EML6: variants seen among roughly 807,000 people sequenced by gnomAD.
EML6 encodes echinoderm microtubule-associated protein-like 6.
In EML6, 154 loss-of-function variants were observed where a neutral mutation model predicts 240.1. That is an observed-to-expected ratio of 0.64 (90% CI 0.56 to 0.73). The LOEUF is 0.73. Ranked by LOEUF, EML6 falls within the 30% of genes least tolerant of loss-of-function variation. EML6 has a pLI of 0.00. For missense variants in EML6, 2,964 were observed against 2,474.6 expected (o/e 1.20, Z -4.20); for synonymous variants, 1,148 against 899.0 (o/e 1.28, Z -4.95).
Position 54,962,594 on chromosome 2 carries a change from C to T in EML6, c.5040C>T (p.Ile1680=), listed in dbSNP as rs1215203025. 1 of 1,549,612 alleles carries T rather than the reference C, an allele frequency of 6.5e-7. No individual in the cohort carries two copies. The highest frequency in any genetic ancestry group is 1.4e-5 in the African/African-American group (1 of 72,990). ...EVGEKNAASN[I]LIDGHMEGEI... ...GTGAAAAAAATGCTGCTTCTAACAT[C>T]CTGATTGATGGTCACATGGAAGGGG... is the stretch of plus-strand genomic sequence containing the variant. Residue 1680 remains isoleucine, a synonymous_variant, in exon 36 of 42, where the codon ATC becomes ATT. Coordinates refer to ENST00000356458, the MANE Select transcript of EML6 (RefSeq NM_001039753.4).
rs1340357277 is a variant in EML6, at chr2:54,964,555, G to A, written c.5331-16G>A. 9.0e-6 allele frequency: 14 copies of A among 1,551,852 alleles called. No homozygotes were observed. The highest frequency in any genetic ancestry group is 1.7e-4 in the Middle Eastern group (1 of 6,018). ...AGCCCTCCTCATGGACTCTGCTCTCGGATTGCTTTTTCTAGAATCAGCCCA... is the reference window on the plus strand; with the variant it reads ...AGCCCTCCTCATGGACTCTGCTCTCAGATTGCTTTTTCTAGAATCAGCCCA... On this transcript the variant is annotated splice_polypyrimidine_tract_variant and intron_variant, in intron 37 of 41. Coordinates refer to ENST00000356458, the MANE Select transcript of EML6 (RefSeq NM_001039753.4).
intron 2 of EML6, among the ~76,000 whole-genome samples, chr2:54,783,495 T>G (rs567777659): frequency 6.6e-6 from 1 of 152,322 alleles, no homozygotes; most frequent in Admixed American, 6.5e-5. Context: ...CTGTAGTTGA[T>G]TTTAGATTTA....
intron 2 of EML6, among the ~76,000 whole-genome samples, chr2:54,788,760 G>A (rs1345602761): frequency 6.6e-6 from 1 of 152,140 alleles, no homozygotes; most frequent in East Asian, 1.9e-4. Context: ...GAAAAATAGG[G>A]CCAAACTCTT....
At chr2:54,861,131 C>G (rs1670648703) in intron 12 of EML6, among the ~76,000 whole-genome samples, 1 of 152,160 alleles carries the variant, frequency 6.6e-6, no homozygotes, top group African/African-American at 2.4e-5. Flanking sequence ...AAGGAGCTAA[C>G]AGGGCAAACA....
chr2:54,869,051 G>T, intron 14 of EML6, 130 bp from the exon 15 acceptor site: 1 of 584,664 alleles, frequency 1.7e-6, no homozygotes, highest in South Asian at 2.7e-5. Flanking sequence ...AAACATTGCT[G>T]TCCTATGTGA....
intron 19 of EML6, 76 bp downstream of exon 19, chr2:54,892,732 A>T (rs1263904146): frequency 8.6e-7 from 1 of 1,159,370 alleles, no homozygotes; most frequent in Non-Finnish European, 1.2e-6. Context: ...ATGGCCCAAG[A>T]GGATGCCTGT....
chr2:54,883,746 C>G (rs1027113154), intron 17 of EML6, among the ~76,000 whole-genome samples: 3 of 152,132 alleles, frequency 2.0e-5, no homozygotes, highest in African/African-American at 7.2e-5. Context: ...ACAAACACAC[C>G]TACACTTGCA....
chr2:54,902,910 C>G (rs186381386), intron 22 of EML6, 134 bp from the exon 23 acceptor site: 2 of 766,798 alleles, frequency 2.6e-6, no homozygotes, highest in African/African-American at 3.5e-5. Flanking sequence ...TTAGTTCTCA[C>G]AAGTGTAGTG....
intron 16 of EML6, among the ~76,000 whole-genome samples, chr2:54,874,016 T>C (rs1249153689): frequency 2.0e-5 from 3 of 152,200 alleles, no homozygotes; most frequent in Non-Finnish European, 4.4e-5. Context: ...TGGCAAGAAA[T>C]TTAGAGTAAT....
intron 7 of EML6, among the ~76,000 whole-genome samples, chr2:54,836,486 G>C (rs1669149852): frequency 6.6e-6 from 1 of 152,182 alleles, no homozygotes; most frequent in Non-Finnish European, 1.5e-5. Context: ...GAGCCTTTGT[G>C]AACAGGAGCA....
At chr2:54,911,544 C>G (rs1673639113) in intron 25 of EML6, among the ~76,000 whole-genome samples, 1 of 152,092 alleles carries the variant, frequency 6.6e-6, no homozygotes, top group Non-Finnish European at 1.5e-5. Context: ...ATTCTCCCAC[C>G]ACAGCCTCCC....
intron 16 of EML6, among the ~76,000 whole-genome samples, chr2:54,872,471 A>T (rs1364119599): frequency 1.3e-5 from 2 of 151,948 alleles, no homozygotes; most frequent in Non-Finnish European, 2.9e-5. Flanking sequence ...TCACTCTTTC[A>T]TCTATGCTAT....
rs530391828 is a variant in EML6, at chr2:54,895,302, C to A, written c.2884C>A (p.Arg962Ser). ...GCTTTTGGAAGATAACCCTTCAATT[C>A]GTGCCATCACTTTGGGACATGGACA... ...GLLLEDNPSI[R>S]AITLGHGHIL... The change falls in exon 21 of 42, where the codon CGT becomes AGT. Residue 962 changes from arginine to serine, a missense_variant. Arg to Ser is a moderately radical substitution (Grantham distance 110). Transcript: ENST00000356458. 4 of 1,551,688 alleles carry A rather than the reference C, an allele frequency of 2.6e-6. No individual in the cohort carries two copies. Among genetic ancestry groups the A allele is most frequent in the Non-Finnish European group, 3.5e-6 (4 of 1,146,884 alleles).
At chr2:54,922,212 A>G (rs939287869) in intron 26 of EML6, among the ~76,000 whole-genome samples, 6 of 152,244 alleles carry the variant, frequency 3.9e-5, no homozygotes, top group East Asian at 1.9e-4. Flanking sequence ...TTACAACTCA[A>G]TAGCAATAAC....
At chr2:54,733,388 A>T (rs556924236) in intron 2 of EML6, among the ~76,000 whole-genome samples, 1 of 152,318 alleles carries the variant, frequency 6.6e-6, no homozygotes. Flanking sequence ...TAAGTAAGGG[A>T]TCATCAGTTG....
rs1225050467 is a variant in EML6, at chr2:54,788,141, C to G, written c.198-25091C>G. Among the ~76,000 whole-genome samples, 5 of 152,328 alleles carry G rather than the reference C, an allele frequency of 3.3e-5. No individual in the cohort carries two copies. The East Asian group carries it at 5.8e-4, about 18-fold the overall frequency. ...AGCCTACGGCAGAACACCCGTGGAC[C>G]TTAATAAAGGCTTAGGTCGCCAGGT... On this transcript the variant is annotated intron_variant, in intron 2 of 41. Coordinates refer to ENST00000356458, the MANE Select transcript of EML6 (RefSeq NM_001039753.4).
At chr2:54,890,010 G>C (rs1672382280) in intron 17 of EML6, among the ~76,000 whole-genome samples, 1 of 152,198 alleles carries the variant, frequency 6.6e-6, no homozygotes, top group Non-Finnish European at 1.5e-5. Context: ...AAAGTACAGG[G>C]AAATACAAAT....
intron 30 of EML6, 116 bp downstream of exon 30, chr2:54,950,895 C>G (rs879113842): frequency 1.8e-6 from 2 of 1,100,214 alleles, no homozygotes; most frequent in Non-Finnish European, 2.6e-6. Flanking sequence ...GCCATTCCCC[C>G]CAATTCCAGC....
intron 2 of EML6, among the ~76,000 whole-genome samples, chr2:54,776,159 C>G (rs1668590785): frequency 6.6e-6 from 1 of 152,040 alleles, no homozygotes; most frequent in African/African-American, 2.4e-5. Context: ...TTGCCTTAGG[C>G]TTTTAGCAGC....
Sources: gnomAD v4.1 joint callset for allele counts (sites outside exome capture counted in the v4.1 genomes callset) on GRCh38, gnomAD v4.1.1 for gene constraint, MANE v1.5 for transcripts, NCBI Gene and HGNC (gene_info 2026-07-23, HGNC 2026-07-21) for gene names.